XKR7: variants seen among roughly 807,000 people sequenced by gnomAD.
XKR7 encodes the protein XK-related protein 7.
XKR7 carries 11 observed loss-of-function variants against 42.2 expected under a neutral mutation model. The observed-to-expected ratio is 0.26, with a 90% CI of 0.16 to 0.43. XKR7 has a LOEUF of 0.43. Ranked by LOEUF, XKR7 falls within the 20% of genes least tolerant of loss-of-function variation. The probability of loss-of-function intolerance (pLI) is 1.00; values close to 1 mark genes in which losing one functional copy is unlikely to be tolerated. For missense variants in XKR7, 710 were observed against 802.2 expected (o/e 0.89, Z 1.39); for synonymous variants, 346 against 366.4 (o/e 0.94, Z 0.64).
rs1459007201 is a variant in XKR7 at position 32,001,773 on chromosome 20, T to A, written c.*4316T>A. The stretch of plus-strand genomic sequence containing the variant: ...TGGACTGAAAGCCAGGACCCAAGAG[T>A]CCCATTCTGTGCTGGCCCCTGCCAC... On this transcript the variant is annotated 3_prime_UTR_variant, in exon 3 of 3. Transcript: ENST00000562532. 1.3e-5 allele frequency: 2 copies of A among 151,936 alleles called. No individual in the cohort carries two copies. Among genetic ancestry groups the A allele is most frequent in the Non-Finnish European group, 2.9e-5 (2 of 68,050 alleles). The allele number at this position is 151,936 out of a possible 1,614,324, so 9.4% of individuals were successfully genotyped here.
At chr20:31,989,032 G>T (rs1258230589) in intron 1 of XKR7, among the ~76,000 whole-genome samples, 1 of 152,198 alleles carries the variant, frequency 6.6e-6, no homozygotes, top group African/African-American at 2.4e-5. Flanking sequence ...TGCCCTCATG[G>T]ATTCACAGTG....
intron 1 of XKR7, among the ~76,000 whole-genome samples, chr20:31,994,143 A>C (rs1426037275): frequency 2.0e-5 from 3 of 152,060 alleles, no homozygotes; most frequent in African/African-American, 7.2e-5. Flanking sequence ...AGCTGTGAGG[A>C]TCTCACCTCA....
rs2064605738 is a variant in XKR7 at position 31,998,111 on chromosome 20, G to A, written c.*654G>A. ...GGGGGGTCTAGGCTGGCAGAAGCAT[G>A]GAGGGGTGGAAGACTTGGGGGAGGG... On this transcript the variant is annotated 3_prime_UTR_variant, in exon 3 of 3. Transcript: ENST00000562532. 1 of 145,326 alleles carries A rather than the reference G, an allele frequency of 6.9e-6. No individual in the cohort carries two copies. The highest frequency in any genetic ancestry group is 1.5e-5 in the Non-Finnish European group (1 of 66,072). 9.0% of individuals were successfully genotyped at this position (145,326 alleles called of 1,614,324 possible).
At position 31,974,782 on chromosome 20, in the gene XKR7, G is replaced by GACACTTGATT. The variant is rs1313146775; in HGVS notation, c.584+6027_584+6036dup. 3.3e-5 allele frequency among the ~76,000 whole-genome samples: 5 copies of GACACTTGATT among 152,276 alleles called. No homozygotes were observed. In the East Asian group the frequency reaches 9.7e-4, roughly 29 times the overall value. ...GTTTTGAATAATCTGTCCTACAGCT[G>GACACTTGATT]ACACTTGATTACAGTCCCCTGAACT... On this transcript the variant is annotated intron_variant, in intron 1 of 2. Transcript: ENST00000562532.
chr20:31,993,129 C>T (rs1388858833), intron 1 of XKR7, among the ~76,000 whole-genome samples: 1 of 143,962 alleles, frequency 6.9e-6, no homozygotes, highest in African/African-American at 2.7e-5. Context: ...CACATACACA[C>T]ACACACCACC....
At chr20:31,994,388 A>G (rs993036798) in intron 1 of XKR7, among the ~76,000 whole-genome samples, 2 of 152,084 alleles carry the variant, frequency 1.3e-5, no homozygotes, top group Non-Finnish European at 2.9e-5. Context: ...TAAATGACAT[A>G]TCTCTCTGGG....
intron 1 of XKR7, among the ~76,000 whole-genome samples, chr20:31,984,766 CTGCCACGTAG>C: frequency 6.6e-6 from 1 of 152,332 alleles, no homozygotes; most frequent in South Asian, 2.1e-4. Context: ...GCGAGGGAAG[CTGCCACGTAG>C]GCAGCCGAGG....
At position 31,995,529 on chromosome 20, in the gene XKR7, C is replaced by T. The variant is rs2064587605; in HGVS notation, c.787+259C>T. 6.6e-6 allele frequency among the ~76,000 whole-genome samples: 1 copy of T among 152,054 alleles called. No homozygotes were observed. Among genetic ancestry groups the T allele is most frequent in the East Asian group, 1.9e-4 (1 of 5,166 alleles). ...CACTCCCTCGACACCCATCAGCCCC[C>T]CTGGGCGCTCCTGCCCTCCTCCCTT... On this transcript the variant is annotated intron_variant, in intron 2 of 2. Coordinates refer to ENST00000562532, the MANE Select transcript of XKR7 (RefSeq NM_001011718.2). This position sits in a 1 kb window ranked among gnomAD's most constrained non-coding sequence, Gnocchi z 4.1.
chr20:31,994,997 G>T, intron 1 of XKR7, 71 bp from the exon 2 acceptor site: 1 of 1,519,012 alleles, frequency 6.6e-7, no homozygotes, highest in Non-Finnish European at 8.8e-7. Context: ...GCCTGTGGGC[G>T]GCTCGGGGCT....
Position 31,999,546 on chromosome 20 carries a change from C to T in XKR7, c.*2089C>T, listed in dbSNP as rs1230574922. ...GAAGCCCAAGGCTGACCCAGGCCCACTCTGTTGGGTTCATCCATCCTCCAA... is the reference window on the plus strand; with the variant it reads ...GAAGCCCAAGGCTGACCCAGGCCCATTCTGTTGGGTTCATCCATCCTCCAA... On this transcript the variant is annotated 3_prime_UTR_variant, in exon 3 of 3. Transcript: ENST00000562532. 1 of 152,216 alleles carries T rather than the reference C, an allele frequency of 6.6e-6. No individual in the cohort carries two copies. Among genetic ancestry groups the T allele is most frequent in the East Asian group, 1.9e-4 (1 of 5,176 alleles). The allele number at this position is 152,216 out of a possible 1,614,324, so 9.4% of individuals were successfully genotyped here.
intron 1 of XKR7, among the ~76,000 whole-genome samples, chr20:31,982,539 G>T (rs111470678): frequency 2.9e-4 from 43 of 149,280 alleles, no homozygotes; most frequent in Admixed American, 1.1e-3. Flanking sequence ...AAAAAAAAAG[G>T]CTTGGTGAAT....
At chr20:31,973,694 G>C (rs1312402243) in intron 1 of XKR7, among the ~76,000 whole-genome samples, 1 of 152,124 alleles carries the variant, frequency 6.6e-6, no homozygotes, top group African/African-American at 2.4e-5. Context: ...GAGAAGGCCT[G>C]TGTGGCAGAA....
At chr20:31,980,281 G>A (rs1230213887) in intron 1 of XKR7, among the ~76,000 whole-genome samples, 22 of 152,154 alleles carry the variant, frequency 1.4e-4, no homozygotes. Context: ...GACTCATTTG[G>A]CTGACAACCC....
At chr20:31,984,138 G>T (rs139342177) in intron 1 of XKR7, among the ~76,000 whole-genome samples, 1 of 151,416 alleles carries the variant, frequency 6.6e-6, no homozygotes, top group Non-Finnish European at 1.5e-5. Flanking sequence ...GCGCACACCC[G>T]TAATCCCATC....
At chr20:31,989,237 G>A (rs1371016570) in intron 1 of XKR7, among the ~76,000 whole-genome samples, 1 of 151,198 alleles carries the variant, frequency 6.6e-6, no homozygotes, top group Non-Finnish European at 1.5e-5. Flanking sequence ...AAGTGCAGAC[G>A]TCCTGAGCCA....
rs2064599947 is a variant in XKR7 at position 31,997,379 on chromosome 20, C to T, written c.1662C>T (p.Ser554=). The part of the protein sequence containing the change: ...LRKTILALEY[S]SPATPRLQYR... Reference sequence around the variant, plus strand: ...AGACCATCCTGGCACTGGAGTACTCCTCACCTGCCACGCCCCGGTTGCAGT... The same window carrying T: ...AGACCATCCTGGCACTGGAGTACTCTTCACCTGCCACGCCCCGGTTGCAGT... The change falls in exon 3 of 3, where the codon TCC becomes TCT. Residue 554 remains serine, a synonymous_variant. Coordinates refer to ENST00000562532, the MANE Select transcript of XKR7 (RefSeq NM_001011718.2). 6.2e-7 allele frequency: 1 copy of T among 1,601,288 alleles called. No individual in the cohort carries two copies. Among genetic ancestry groups the T allele is most frequent in the Admixed American group, 1.7e-5 (1 of 60,008 alleles).
At chr20:31,975,913 C>G (rs971638413) in intron 1 of XKR7, among the ~76,000 whole-genome samples, 2 of 152,184 alleles carry the variant, frequency 1.3e-5, no homozygotes, top group Admixed American at 1.3e-4. Context: ...TCTTGACAAT[C>G]CTGCCAGGTA....
chr20:31,984,239 T>G, intron 1 of XKR7, among the ~76,000 whole-genome samples: 1 of 148,244 alleles, frequency 6.7e-6, no homozygotes, highest in Admixed American at 6.7e-5. Context: ...CCAGCCTGGG[T>G]GACAAGAGTG....
In XKR7 at chr20:31,997,335, A is replaced by G. The variant is rs749966604; in HGVS notation, c.1618A>G (p.Ile540Val). Residue 540 changes from isoleucine to valine, a missense_variant, in exon 3 of 3, where the codon ATT becomes GTT. By Grantham distance (29) the Ile-to-Val change is conservative. Around this residue, in one of 2 missense-constraint regions of XKR7, gnomAD observed 708 missense variants for 786.2 expected, o/e 0.90. Coordinates refer to ENST00000562532, the MANE Select transcript of XKR7 (RefSeq NM_001011718.2). ...GTACCCGGCCTGGGATGCTCATTTT[A>G]TTGACCGCCGGCTCCGGAAGACCAT... The part of the protein sequence containing the change: ...KKYPAWDAHF[I>V]DRRLRKTILA... 2.2e-5 allele frequency: 35 copies of G among 1,608,154 alleles called. No individual in the cohort carries two copies. In the South Asian group the frequency reaches 3.4e-4, roughly 16 times the overall value.
Sources: gnomAD v4.1 joint callset for allele counts (sites outside exome capture counted in the v4.1 genomes callset) on GRCh38, gnomAD v4.1.1 for gene constraint, gnomAD v4.1.1 regional missense constraint, Gnocchi (gnomAD v3.1) non-coding constraint, MANE v1.5 for transcripts, NCBI Gene and HGNC (gene_info 2026-07-23, HGNC 2026-07-21) for gene names.